FGF14: variants seen among roughly 807,000 people sequenced by gnomAD.
FGF14 encodes the protein fibroblast growth factor homologous factor 4.
Under a neutral mutation model 25.5 loss-of-function variants are expected in FGF14, and 5 were observed. The ratio of observed to expected loss-of-function variants is 0.20; its 90% CI spans 0.10 to 0.41. FGF14 has a LOEUF of 0.41. Among genes scored for constraint, FGF14 ranks in the 10% least tolerant of loss-of-function variants. FGF14 has a pLI of 1.00. For missense variants in FGF14, 222 were observed against 320.1 expected (o/e 0.69, Z 2.34); for synonymous variants, 138 against 118.3 (o/e 1.17, Z -1.08).
chr13:102,048,113 T>C (rs1201012303), intron 1 of FGF14, among the ~76,000 whole-genome samples: 1 of 152,134 alleles, frequency 6.6e-6, no homozygotes, highest in African/African-American at 2.4e-5. Context: ...ATGAAACGAC[T>C]TGCTCCAAGT....
At chr13:101,862,995 G>A (rs1176662532) in intron 3 of FGF14, among the ~76,000 whole-genome samples, 2 of 151,956 alleles carry the variant, frequency 1.3e-5, no homozygotes, top group African/African-American at 2.4e-5. Flanking sequence ...ATAATTTGAG[G>A]AGAATGCATA....
upstream of FGF14, among the ~76,000 whole-genome samples, chr13:101,920,727 C>T (rs920314511): frequency 1.3e-5 from 2 of 152,134 alleles, no homozygotes; most frequent in Admixed American, 6.5e-5. Context: ...TAATTCGAAA[C>T]ATAAGAAGTT....
intron 1 of FGF14, among the ~76,000 whole-genome samples, chr13:102,241,710 C>T (rs1197109561): frequency 6.6e-6 from 1 of 152,070 alleles, no homozygotes; most frequent in African/African-American, 2.4e-5. Flanking sequence ...CCTTCCATTA[C>T]CTACAGAGCC....
chr13:102,141,391 A>G (rs999853500), intron 1 of FGF14, among the ~76,000 whole-genome samples: 9 of 152,214 alleles, frequency 5.9e-5, no homozygotes, highest in African/African-American at 2.2e-4. Context: ...TTTCTCTTTC[A>G]TGTAGCTTTC....
rs529030007 is a variant in FGF14, at chr13:101,773,945, A to G, written c.409-47135T>C. On this transcript the variant is annotated intron_variant, in intron 3 of 4. Coordinates refer to ENST00000376143, the MANE Select transcript of FGF14 (RefSeq NM_004115.4). ...CCTAGGATTTTGCGCTGTGCCAAGC[A>G]TACAGTAGACACTCCATTAGTACTT... 3.3e-5 allele frequency among the ~76,000 whole-genome samples: 5 copies of G among 151,148 alleles called. No homozygotes were observed. In the East Asian group the frequency reaches 7.8e-4, roughly 24 times the overall value.
chr13:101,813,994 C>T (rs1246142505), intron 3 of FGF14, among the ~76,000 whole-genome samples: 3 of 152,162 alleles, frequency 2.0e-5, no homozygotes, highest in Non-Finnish European at 2.9e-5. Flanking sequence ...AGAATTCATT[C>T]ATTAAACAGT....
intron 1 of FGF14, among the ~76,000 whole-genome samples, chr13:102,062,517 T>TA (rs1292115291): frequency 2.0e-5 from 3 of 152,010 alleles, no homozygotes; most frequent in Non-Finnish European, 4.4e-5. Flanking sequence ...TTTCACTGAC[T>TA]AAAAAAGAAT....
chr13:102,389,087 T>C (rs1458005060), intron 1 of FGF14, among the ~76,000 whole-genome samples: 7 of 152,166 alleles, frequency 4.6e-5, no homozygotes, highest in Non-Finnish European at 8.8e-5. Flanking sequence ...ACTTAGGTCA[T>C]GCTTCTCTAA....
intron 1 of FGF14, among the ~76,000 whole-genome samples, chr13:102,171,430 T>G (rs2048239429): frequency 6.6e-6 from 1 of 152,196 alleles, no homozygotes; most frequent in Non-Finnish European, 1.5e-5. Context: ...CTTTTAAGAT[T>G]AGATTCTTCA....
chr13:102,022,720 A>G (rs762993027), intron 1 of FGF14, among the ~76,000 whole-genome samples: 8 of 152,134 alleles, frequency 5.3e-5, no homozygotes, highest in Admixed American at 2.6e-4. Context: ...GTAAAATAAT[A>G]CTCAAATGAA....
At position 102,030,431 on chromosome 13, in the gene FGF14, C is replaced by G. The variant is rs78543261; in HGVS notation, c.209-155135G>C. ...GAAATAGCTGCAACCAACCAGCCAACCTTCAGCAGAAAGAAAGGACAACCA... is the reference window on the plus strand; with the variant it reads ...GAAATAGCTGCAACCAACCAGCCAAGCTTCAGCAGAAAGAAAGGACAACCA... On this transcript the variant is annotated intron_variant, in intron 1 of 4. Coordinates refer to the FGF14 transcript ENST00000376131. Among the ~76,000 whole-genome samples, 28 of 152,064 alleles carry G rather than the reference C, an allele frequency of 1.8e-4. No individual in the cohort carries two copies. In the East Asian group the frequency reaches 4.9e-3, roughly 26 times the overall value.
chr13:102,030,625 T>C (rs1186698627), intron 1 of FGF14, among the ~76,000 whole-genome samples: 7 of 152,036 alleles, frequency 4.6e-5, no homozygotes, highest in Admixed American at 4.6e-4. Flanking sequence ...TAGGAGCCCA[T>C]TTCAAGAAGA....
intron 1 of FGF14, among the ~76,000 whole-genome samples, chr13:102,240,495 AC>A (rs2051542558): frequency 6.6e-6 from 1 of 152,118 alleles, no homozygotes; most frequent in Non-Finnish European, 1.5e-5. Context: ...AAAATAATAG[AC>A]CAATTTTCTG....
chr13:101,824,987 G>C (rs1258431097), intron 3 of FGF14, among the ~76,000 whole-genome samples: 1 of 152,186 alleles, frequency 6.6e-6, no homozygotes, highest in East Asian at 1.9e-4. Context: ...CTCACCTTAT[G>C]TATCTCTTCA....
chr13:102,147,976 C>A (rs1047698176), intron 1 of FGF14, among the ~76,000 whole-genome samples: 1 of 152,122 alleles, frequency 6.6e-6, no homozygotes, highest in African/African-American at 2.4e-5. Context: ...GGCAAATGTC[C>A]AAAATGTAGC....
intron 1 of FGF14, among the ~76,000 whole-genome samples, chr13:101,927,933 C>T (rs1330113390): frequency 2.0e-5 from 3 of 152,212 alleles, no homozygotes; most frequent in Admixed American, 6.5e-5. Flanking sequence ...TTCCTGATGT[C>T]TTTAATCCTC....
At chr13:102,133,141 G>T (rs745614842) in intron 1 of FGF14, among the ~76,000 whole-genome samples, 4 of 152,170 alleles carry the variant, frequency 2.6e-5, no homozygotes, top group Non-Finnish European at 5.9e-5. Context: ...CAGCACAGCA[G>T]TATGACATTT....
intron 3 of FGF14, among the ~76,000 whole-genome samples, chr13:101,805,358 G>A (rs974814619): frequency 1.3e-5 from 2 of 152,072 alleles, no homozygotes; most frequent in African/African-American, 4.8e-5. Context: ...TATTAATGGT[G>A]GTTTGTATTT....
intron 1 of FGF14, among the ~76,000 whole-genome samples, chr13:102,387,611 A>C (rs1433309748): frequency 1.3e-5 from 2 of 152,084 alleles, no homozygotes; most frequent in Non-Finnish European, 2.9e-5. Flanking sequence ...TCAGGGGTGC[A>C]TGTGCAGGTT....
Sources: gnomAD v4.1 joint callset for allele counts (sites outside exome capture counted in the v4.1 genomes callset) on GRCh38, gnomAD v4.1.1 for gene constraint, MANE v1.5 for transcripts, NCBI Gene and HGNC (gene_info 2026-07-23, HGNC 2026-07-21) for gene names.